Variants in PARD6G observed in about 807,000 individuals in gnomAD.
PARD6G encodes par-6 family cell polarity regulator gamma.
PARD6G carries 7 observed loss-of-function variants against 10.7 expected under a neutral mutation model. The observed-to-expected ratio is 0.66, with a 90% confidence interval of 0.37 to 1.23. The LOEUF (loss-of-function observed/expected upper bound fraction) is 1.23. Among genes scored for constraint, PARD6G ranks in the 50% most tolerant of loss-of-function variants. The probability of loss-of-function intolerance (pLI) is 0.02; values close to 1 mark genes in which losing one functional copy is unlikely to be tolerated. For synonymous variants in PARD6G, 287 were observed against 269.4 expected, an observed-to-expected ratio of 1.07 and a Z score of -0.64; for missense variants, 548 against 571.8, an observed-to-expected ratio of 0.96 and a Z score of 0.42.
At chr18:80,194,349 T>C (rs774445476) in intron 2 of PARD6G, among the ~76,000 whole-genome samples, 1 of 152,222 alleles carries the variant, frequency 6.6e-6, no homozygotes, top group Non-Finnish European at 1.5e-5. Flanking sequence ...AACTCATGGA[T>C]ACATGAACTA....
intron 2 of PARD6G, among the ~76,000 whole-genome samples, chr18:80,174,770 C>T (rs1056346860): frequency 2.6e-5 from 4 of 152,070 alleles, no homozygotes; most frequent in South Asian, 2.1e-4. Context: ...CTGGCTAACA[C>T]GGTGAAACCC....
chr18:80,173,635 G>A (rs1350875751), intron 2 of PARD6G, among the ~76,000 whole-genome samples: 1 of 151,998 alleles, frequency 6.6e-6, no homozygotes, highest in Non-Finnish European at 1.5e-5. Context: ...AAAAAAAAAG[G>A]GGGCAAACCC....
In PARD6G at chr18:80,189,178, C is replaced by T. The variant is rs1050726051; in HGVS notation, c.295+13532G>A. 1 of 152,246 alleles carries T rather than the reference C, an allele frequency of 6.6e-6. No individual in the cohort carries two copies. 9.4% of individuals were successfully genotyped at this position (152,246 alleles called of 1,614,324 possible). ...CCAGAAATAACCGTTGGCAGAAAAG[C>T]CCATATTTAGAGCAGACCTCCTTCA... On this transcript the variant is annotated intron_variant, in intron 2 of 2. Coordinates refer to ENST00000353265, the MANE Select transcript of PARD6G (RefSeq NM_032510.4). The surrounding 1 kb of genome is among the most constrained non-coding windows in gnomAD (Gnocchi z 5.5).
intron 2 of PARD6G, among the ~76,000 whole-genome samples, chr18:80,164,464 G>C (rs769996918): frequency 7.3e-5 from 11 of 151,674 alleles, no homozygotes; most frequent in Non-Finnish European, 1.6e-4. Context: ...TTTCCACCGG[G>C]TCCACACTGC....
At chr18:80,190,491 T>G (rs1287948292) in intron 2 of PARD6G, among the ~76,000 whole-genome samples, 1 of 152,172 alleles carries the variant, frequency 6.6e-6, no homozygotes, top group Non-Finnish European at 1.5e-5. Context: ...GGCCCATGAT[T>G]CCACCCATGA....
At chr18:80,232,004 G>T (rs1355739282) in intron 1 of PARD6G, among the ~76,000 whole-genome samples, 1 of 152,222 alleles carries the variant, frequency 6.6e-6, no homozygotes, top group Non-Finnish European at 1.5e-5. Context: ...CTGAGCAGAA[G>T]CCACTGCGTT....
At chr18:80,215,297 G>A (rs1599868114) in intron 1 of PARD6G, among the ~76,000 whole-genome samples, 1 of 152,100 alleles carries the variant, frequency 6.6e-6, no homozygotes, top group African/African-American at 2.4e-5. Flanking sequence ...CACATAACTT[G>A]AATCTACAAG....
intron 1 of PARD6G, among the ~76,000 whole-genome samples, chr18:80,233,084 C>G (rs1367652932): frequency 6.6e-6 from 1 of 152,162 alleles, no homozygotes. Flanking sequence ...CTGCTCATCT[C>G]CTGAGGAGTG....
rs1168479182 is a variant in PARD6G at position 80,228,744 on chromosome 18, G to A, written c.72+18533C>T. Among the ~76,000 whole-genome samples, 2 of 150,452 alleles carry A rather than the reference G, an allele frequency of 1.3e-5. No individual in the cohort carries two copies. The highest frequency in any genetic ancestry group is 3.9e-4 in the East Asian group (2 of 5,094). On this transcript the variant is annotated intron_variant, in intron 1 of 2. Transcript: ENST00000353265. This position sits in a 1 kb window ranked among gnomAD's most constrained non-coding sequence, Gnocchi z 4.6. ...ACCTGCCTCACACCCCCAGGGGCCT[G>A]CCTCCCATCTAAGGCCCCCACCCCA...
Position 80,237,225 on chromosome 18 carries a change from A to G in PARD6G, c.72+10052T>C, listed in dbSNP as rs1599878110. 2.6e-5 allele frequency among the ~76,000 whole-genome samples: 4 copies of G among 152,310 alleles called. No homozygotes were observed. The South Asian group carries it at 8.3e-4, about 32-fold the overall frequency. On this transcript the variant is annotated intron_variant, in intron 1 of 2. Coordinates refer to ENST00000353265, the MANE Select transcript of PARD6G (RefSeq NM_032510.4). The stretch of plus-strand genomic sequence containing the variant: ...ATCTACAACTATCTGATCTTTGACA[A>G]ACCTGACAAAAACAAGAAATGGGGA...
chr18:80,244,054 G>A (rs1439974823), intron 1 of PARD6G, among the ~76,000 whole-genome samples: 1 of 152,156 alleles, frequency 6.6e-6, no homozygotes, highest in African/African-American at 2.4e-5. Context: ...GTTGCTTGCT[G>A]TCTTCTCCTC....
chr18:80,241,080 C>T (rs985364316), intron 1 of PARD6G, among the ~76,000 whole-genome samples: 4 of 152,156 alleles, frequency 2.6e-5, no homozygotes, highest in African/African-American at 9.7e-5. Context: ...AAAAATAGAA[C>T]TTCTCCCCAT....
Position 80,226,151 on chromosome 18 carries a change from GTTT to G in PARD6G, c.72+21123_72+21125del, listed in dbSNP as rs10606939. On this transcript the variant is annotated intron_variant, in intron 1 of 2. Transcript: ENST00000353265. Reference sequence around the variant, plus strand: ...TCCCCACAGGTAACCAATGACTTCAGTTTTTTTTTTTTTTTTTTTTTTTTTTTT... The same window carrying G: ...TCCCCACAGGTAACCAATGACTTCAGTTTTTTTTTTTTTTTTTTTTTTTTT... Among the ~76,000 whole-genome samples the G allele has an allele frequency of 2.6e-3, 197 of 76,474 alleles. 21 individuals carry two copies. Among genetic ancestry groups the G allele is most frequent in the East Asian group, 0.017 (38 of 2,186 alleles). 50.2% of individuals were successfully genotyped at this position (76,474 alleles called of 152,430 possible).
chr18:80,200,722 G>A lies in PARD6G; in HGVS notation c.295+1988C>T, dbSNP rs1453419829. Reference sequence around the variant, plus strand: ...GAAGGAAAAATAAATGATGAAGACTGAACACAGGGCCCCAGCCAGCAAGCT... The same window carrying A: ...GAAGGAAAAATAAATGATGAAGACTAAACACAGGGCCCCAGCCAGCAAGCT... On this transcript the variant is annotated intron_variant, in intron 2 of 2. Coordinates refer to ENST00000353265, the MANE Select transcript of PARD6G (RefSeq NM_032510.4). The surrounding 1 kb of genome is among the most constrained non-coding windows in gnomAD (Gnocchi z 4.4). Among the ~76,000 whole-genome samples the A allele has an allele frequency of 6.6e-6, 1 of 152,184 alleles. No individual in the cohort carries two copies. The highest frequency in any genetic ancestry group is 1.5e-5 in the Non-Finnish European group (1 of 68,052).
rs1318566840 is a variant in PARD6G, at chr18:80,201,765, C to T, written c.295+945G>A. Among the ~76,000 whole-genome samples the T allele has an allele frequency of 6.6e-6, 1 of 152,256 alleles. No individual in the cohort carries two copies. The highest frequency in any genetic ancestry group is 6.5e-5 in the Admixed American group (1 of 15,284). ...GGATGGGGGTTACTATGAGGACCCT[C>T]GTTTTGCAAAGCAGGACGCTGGGGT... On this transcript the variant is annotated intron_variant, in intron 2 of 2. Transcript: ENST00000353265. This position sits in a 1 kb window ranked among gnomAD's most constrained non-coding sequence, Gnocchi z 5.9.
intron 1 of PARD6G, among the ~76,000 whole-genome samples, chr18:80,221,072 A>T (rs1431226202): frequency 1.3e-5 from 2 of 152,186 alleles, no homozygotes; most frequent in Non-Finnish European, 2.9e-5. Context: ...TCTCTTGTTT[A>T]ATTGAATTAT....
Position 80,177,918 on chromosome 18 carries a change from G to C in PARD6G, c.296-17312C>G, listed in dbSNP as rs373342984. Among the ~76,000 whole-genome samples, 16 of 147,722 alleles carry C rather than the reference G, an allele frequency of 1.1e-4. No individual in the cohort carries two copies. In the East Asian group the frequency reaches 3.1e-3, roughly 29 times the overall value. ...AAATAAATCGCAGTCCAAATGGGAAGCTCACACACACACATGCACAAGATA... is the reference window on the plus strand; with the variant it reads ...AAATAAATCGCAGTCCAAATGGGAACCTCACACACACACATGCACAAGATA... On this transcript the variant is annotated intron_variant, in intron 2 of 2. Transcript: ENST00000353265.
Position 80,184,220 on chromosome 18 carries a change from C to T in PARD6G, c.295+18490G>A, listed in dbSNP as rs1223853417. The stretch of plus-strand genomic sequence containing the variant: ...CAGGAACAAGACGAGGGTGTCCGCT[C>T]TTATTCCTTTCAGCCTCGGCACTGA... On this transcript the variant is annotated intron_variant, in intron 2 of 2. Coordinates refer to ENST00000353265, the MANE Select transcript of PARD6G (RefSeq NM_032510.4). The surrounding 1 kb of genome is among the most constrained non-coding windows in gnomAD (Gnocchi z 4.5). 6.6e-6 allele frequency: 1 copy of T among 152,264 alleles called. No homozygotes were observed. Among genetic ancestry groups the T allele is most frequent in the Non-Finnish European group, 1.5e-5 (1 of 68,060 alleles). 9.4% of individuals were successfully genotyped at this position (152,264 alleles called of 1,614,324 possible). A position where few individuals can be genotyped will look rare whatever the true frequency, so the allele number is the denominator to read the frequency against.
intron 1 of PARD6G, among the ~76,000 whole-genome samples, chr18:80,223,436 C>A (rs909685746): frequency 5.3e-5 from 8 of 152,114 alleles, no homozygotes; most frequent in Non-Finnish European, 8.8e-5. Context: ...TAATAAAAGA[C>A]AACCCCATTA....
Sources: allele counts gnomAD v4.1 joint callset (sites outside exome capture counted in the v4.1 genomes callset), GRCh38; gene constraint gnomAD v4.1.1; non-coding constraint Gnocchi (gnomAD v3.1); transcripts MANE v1.5; gene names NCBI Gene and HGNC (gene_info 2026-07-23, HGNC 2026-07-21).